Variants in SLC9A9 observed in about 807,000 individuals in gnomAD.
The protein encoded by SLC9A9 is sodium/hydrogen exchanger 9.
A neutral mutation model predicts 77.8 loss-of-function variants in SLC9A9; 62 were observed. The observed-to-expected ratio is 0.80, with a 90% CI of 0.65 to 0.98. SLC9A9 has a LOEUF of 0.98. Among genes scored for constraint, SLC9A9 ranks in the 50% least tolerant of loss-of-function variants. SLC9A9 has a pLI of 0.00. For missense variants in SLC9A9, 775 were observed against 774.9 expected, an observed-to-expected ratio of 1.00 and a Z score of 0.00; for synonymous variants, 320 against 283.5, an observed-to-expected ratio of 1.13 and a Z score of -1.29.
chr3:143,462,125 G>A (rs1288364416), intron 12 of SLC9A9, among the ~76,000 whole-genome samples: 2 of 152,136 alleles, frequency 1.3e-5, no homozygotes, highest in Admixed American at 6.5e-5. Context: ...CCAGCACTTC[G>A]GAAGTTTGGG....
At chr3:143,433,723 T>G (rs1344014875) in intron 12 of SLC9A9, among the ~76,000 whole-genome samples, 1 of 152,218 alleles carries the variant, frequency 6.6e-6, no homozygotes, top group Non-Finnish European at 1.5e-5. Context: ...GTTTCTATCT[T>G]GTCCTACCCA....
chr3:143,332,284 C>T lies in SLC9A9; in HGVS notation c.1604+31200G>A, dbSNP rs553850468. 3.0e-4 allele frequency among the ~76,000 whole-genome samples: 44 copies of T among 146,604 alleles called. 1 individual carries two copies. The South Asian group carries it at 9.2e-3, about 31-fold the overall frequency. ...GCCCAGGCCAACCCTTGGAATCTTT[C>T]TCTATGTAGGGTTCTAAAAAACCTC... On this transcript the variant is annotated intron_variant, in intron 14 of 15. Coordinates refer to ENST00000316549, the MANE Select transcript of SLC9A9 (RefSeq NM_173653.4).
intron 2 of SLC9A9, among the ~76,000 whole-genome samples, chr3:143,808,262 A>T (rs1370072098): frequency 2.0e-5 from 3 of 152,170 alleles, no homozygotes; most frequent in East Asian, 3.9e-4. Flanking sequence ...ACATGATTAA[A>T]CTCCAGCCAT....
intron 12 of SLC9A9, among the ~76,000 whole-genome samples, chr3:143,454,818 C>T (rs373860688): frequency 1.2e-4 from 18 of 152,198 alleles, no homozygotes; most frequent in African/African-American, 4.3e-4. Flanking sequence ...GGCTGTCAGC[C>T]AGGTATTATT....
intron 14 of SLC9A9, among the ~76,000 whole-genome samples, chr3:143,360,835 T>A (rs1389297928): frequency 2.0e-5 from 3 of 152,230 alleles, no homozygotes; most frequent in African/African-American, 7.2e-5. Flanking sequence ...ACTACTCAGT[T>A]ATTCATTTAA....
intron 9 of SLC9A9, among the ~76,000 whole-genome samples, chr3:143,525,596 G>A (rs2036390463): frequency 6.6e-6 from 1 of 152,178 alleles, no homozygotes; most frequent in South Asian, 2.1e-4. Context: ...TCTGGAAATA[G>A]CATTCAAATG....
At chr3:143,419,031 C>T (rs1440450439) in intron 12 of SLC9A9, among the ~76,000 whole-genome samples, 1 of 152,170 alleles carries the variant, frequency 6.6e-6, no homozygotes, top group Non-Finnish European at 1.5e-5. Flanking sequence ...GTCCCTTTCC[C>T]TTGATACTAC....
At chr3:143,299,431 T>C (rs951725352) in intron 14 of SLC9A9, among the ~76,000 whole-genome samples, 1 of 151,944 alleles carries the variant, frequency 6.6e-6, no homozygotes, top group East Asian at 1.9e-4. Context: ...AAAAAGCTTG[T>C]TGGGGGGACC....
At chr3:143,375,397 G>A (rs72992151) in intron 13 of SLC9A9, among the ~76,000 whole-genome samples, 9,901 of 152,118 alleles carry the variant, frequency 0.065, 696 homozygotes, top group East Asian at 0.26. Flanking sequence ...GGACGACCTC[G>A]TAATTTTCTC....
chr3:143,508,736 T>G (rs1463701049), intron 9 of SLC9A9, among the ~76,000 whole-genome samples: 1 of 152,198 alleles, frequency 6.6e-6, no homozygotes, highest in East Asian at 1.9e-4. Flanking sequence ...TTAAACTGAT[T>G]TACTATTTAA....
At chr3:143,828,574 C>G (rs1038986830) in intron 2 of SLC9A9, among the ~76,000 whole-genome samples, 2 of 152,066 alleles carry the variant, frequency 1.3e-5, no homozygotes, top group Non-Finnish European at 2.9e-5. Context: ...AACACACACA[C>G]ACACACACAG....
rs574832886 is a variant in SLC9A9, at chr3:143,659,749, A to G, written c.650-7389T>C. On this transcript the variant is annotated intron_variant, in intron 5 of 15. Transcript: ENST00000316549. Reference sequence around the variant, plus strand: ...TGAATATGTTGCCTTGCATGCCAAAAGGAGTTTTGCAGGTGTAATTAACGT... The same window carrying G: ...TGAATATGTTGCCTTGCATGCCAAAGGGAGTTTTGCAGGTGTAATTAACGT... 9.2e-5 allele frequency among the ~76,000 whole-genome samples: 14 copies of G among 152,324 alleles called. No individual in the cohort carries two copies. In the South Asian group the frequency reaches 2.5e-3, roughly 27 times the overall value.
intron 14 of SLC9A9, among the ~76,000 whole-genome samples, chr3:143,320,302 C>T (rs543405837): frequency 4.6e-5 from 7 of 152,312 alleles, no homozygotes; most frequent in East Asian, 1.9e-4. Context: ...CACTACTGTT[C>T]CAATGACATC....
At chr3:143,457,306 C>T (rs1183047517) in intron 12 of SLC9A9, among the ~76,000 whole-genome samples, 1 of 152,200 alleles carries the variant, frequency 6.6e-6, no homozygotes, top group African/African-American at 2.4e-5. Flanking sequence ...ACATAAGCCA[C>T]CTGGTCTGGC....
At position 143,528,092 on chromosome 3, in the gene SLC9A9, T is replaced by C. The variant is rs548802809; in HGVS notation, c.1089+24270A>G. 2.0e-4 allele frequency among the ~76,000 whole-genome samples: 30 copies of C among 152,284 alleles called. No individual in the cohort carries two copies. The South Asian group carries it at 6.2e-3, about 32-fold the overall frequency. ...TCTTTTCCTCCAGGAACCACTTCCA[T>C]AGGCAGGCTTTGCAGGAATGACAGT... is the stretch of plus-strand genomic sequence containing the variant. On this transcript the variant is annotated intron_variant, in intron 9 of 15. Transcript: ENST00000316549.
chr3:143,505,943 TATTC>T (rs1187060046), intron 9 of SLC9A9, among the ~76,000 whole-genome samples: 3 of 152,210 alleles, frequency 2.0e-5, no homozygotes, highest in Admixed American at 1.3e-4. Context: ...CTGATAATAG[TATTC>T]ATATTTCTGG....
Position 143,728,901 on chromosome 3 carries a change from T to C in SLC9A9, c.534-35594A>G, listed in dbSNP as rs113887578. Among the ~76,000 whole-genome samples, 5 of 151,178 alleles carry C rather than the reference T, an allele frequency of 3.3e-5. 1 individual carries two copies. The highest frequency in any genetic ancestry group is 1.2e-4 in the African/African-American group (5 of 41,174). ...ATGGTGGAGATACATTAGAGGGGAG[T>C]GGGTGATGATGAAAATGTCCATTGG... is the stretch of plus-strand genomic sequence containing the variant. On this transcript the variant is annotated intron_variant, in intron 4 of 15. Coordinates refer to ENST00000316549, the MANE Select transcript of SLC9A9 (RefSeq NM_173653.4).
chr3:143,373,816 T>C (rs2033112872), intron 13 of SLC9A9, among the ~76,000 whole-genome samples: 1 of 151,916 alleles, frequency 6.6e-6, no homozygotes, highest in Non-Finnish European at 1.5e-5. Flanking sequence ...CTAAGTGATA[T>C]GAGAAAAAAA....
intron 4 of SLC9A9, among the ~76,000 whole-genome samples, chr3:143,750,087 G>A (rs2006659322): frequency 6.6e-6 from 1 of 152,156 alleles, no homozygotes. Flanking sequence ...AAGAGACAGA[G>A]AGAAAGAGAC....
Sources: gnomAD v4.1 joint callset for allele counts (sites outside exome capture counted in the v4.1 genomes callset) on GRCh38, gnomAD v4.1.1 for gene constraint, MANE v1.5 for transcripts, NCBI Gene and HGNC (gene_info 2026-07-23, HGNC 2026-07-21) for gene names.